The following SSU72 variants were observed in gnomAD, a reference collection of about 807,000 sequenced individuals.
The protein encoded by SSU72 is SSU72 homolog, RNA polymerase II CTD phosphatase.
SSU72 carries 12 observed loss-of-function variants against 22.7 expected under a neutral mutation model. The ratio of observed to expected loss-of-function variants is 0.53; its 90% CI spans 0.34 to 0.86. The LOEUF (loss-of-function observed/expected upper bound fraction) is 0.86. Among genes scored for constraint, SSU72 ranks in the 40% least tolerant of loss-of-function variants. The pLI is 0.02. For synonymous variants in SSU72, 116 were observed against 98.3 expected, an observed-to-expected ratio of 1.18 and a Z score of -1.06; for missense variants, 151 against 249.8, an observed-to-expected ratio of 0.60 and a Z score of 2.67.
At chr1:1,558,829 C>T (rs1029783142) in intron 2 of SSU72, among the ~76,000 whole-genome samples, 1 of 152,198 alleles carries the variant, frequency 6.6e-6, no homozygotes, top group African/African-American at 2.4e-5. Flanking sequence ...CCTGGACCCC[C>T]TCACTGGGCT....
Position 1,542,566 on chromosome 1 carries a change from T to C in SSU72, c.484-399A>G, listed in dbSNP as rs1020804275. Among the ~76,000 whole-genome samples the C allele has an allele frequency of 6.6e-6, 1 of 152,024 alleles. No individual in the cohort carries two copies. Among genetic ancestry groups the C allele is most frequent in the African/African-American group, 2.4e-5 (1 of 41,388 alleles). ...GCCTGGTCATCGGAGCATCCTGGCC[T>C]CCATCCACCAGAGCCCCTGGCAGAG... On this transcript the variant is annotated intron_variant, in intron 4 of 4. Coordinates refer to ENST00000291386, the MANE Select transcript of SSU72 (RefSeq NM_014188.3). This position sits in a 1 kb window ranked among gnomAD's most constrained non-coding sequence, Gnocchi z 4.4.
chr1:1,548,902 C>T (rs372838914), intron 2 of SSU72, among the ~76,000 whole-genome samples: 4 of 152,222 alleles, frequency 2.6e-5, no homozygotes, highest in East Asian at 1.9e-4. Context: ...GTGTCACTCC[C>T]GTCCCACAGT....
chr1:1,556,753 G>A (rs190213940), intron 2 of SSU72, among the ~76,000 whole-genome samples: 52 of 152,290 alleles, frequency 3.4e-4, no homozygotes, highest in African/African-American at 1.2e-3. Flanking sequence ...TGCAGGCACC[G>A]TGAAACTACT....
At chr1:1,545,100 A>G in intron 2 of SSU72, 98 bp from the exon 3 acceptor site, 1 of 1,439,656 alleles carries the variant, frequency 6.9e-7, no homozygotes, top group Non-Finnish European at 9.5e-7. Context: ...CCTGCCCCAC[A>G]GCAGAGGCAG....
chr1:1,557,978 G>A (rs1288598566), intron 2 of SSU72, among the ~76,000 whole-genome samples: 3 of 151,726 alleles, frequency 2.0e-5, no homozygotes, highest in Non-Finnish European at 2.9e-5. Context: ...GGGAGGCCAA[G>A]GCGGGCTCAT....
At chr1:1,574,080 G>C (rs1173808625) in intron 1 of SSU72, among the ~76,000 whole-genome samples, 2 of 151,676 alleles carry the variant, frequency 1.3e-5, no homozygotes, top group African/African-American at 4.9e-5. Context: ...TAAAAAAAGA[G>C]ACCGCTTTGT....
intron 2 of SSU72, among the ~76,000 whole-genome samples, chr1:1,546,860 CAAAAAAAAAAAAA>C (rs1169308811): frequency 4.0e-5 from 3 of 75,152 alleles, no homozygotes; most frequent in Non-Finnish European, 8.1e-5. Flanking sequence ...ACAACAACAA[CAAAAAAAAAAAAA>C]AAAAAAAAAA....
chr1:1,564,643 G>A, intron 2 of SSU72, 130 bp downstream of exon 2: 1 of 1,613,978 alleles, frequency 6.2e-7, no homozygotes, highest in Non-Finnish European at 8.5e-7. Flanking sequence ...TAGAAACCAA[G>A]CTCTCGCAAA....
intron 1 of SSU72, among the ~76,000 whole-genome samples, chr1:1,572,891 T>A: frequency 1.7e-5 from 1 of 60,322 alleles, no homozygotes; most frequent in African/African-American, 6.0e-5. Flanking sequence ...GGGGGGGGGG[T>A]GAGCCTTGCA....
chr1:1,544,032 G>A (rs777211061), intron 3 of SSU72, 45 bp from the exon 4 acceptor site: 3 of 1,482,776 alleles, frequency 2.0e-6, no homozygotes, highest in African/African-American at 2.8e-5. Context: ...TCCAAAACCA[G>A]GGAACAGGCA....
chr1:1,563,371 A>G (rs775254652), intron 2 of SSU72: 1 of 151,762 alleles, frequency 6.6e-6, no homozygotes, highest in Non-Finnish European at 1.5e-5. Flanking sequence ...CGTCTCTACT[A>G]AAAATACAAA....
chr1:1,545,325 C>A, intron 2 of SSU72: 1 of 309,818 alleles, frequency 3.2e-6, no homozygotes, highest in African/African-American at 2.1e-5. Flanking sequence ...CACTGCTGGC[C>A]CGGCCCAAGC....
intron 2 of SSU72, among the ~76,000 whole-genome samples, chr1:1,548,014 G>A (rs1642412197): frequency 6.6e-6 from 1 of 152,212 alleles, no homozygotes; most frequent in African/African-American, 2.4e-5. Flanking sequence ...CCATGCTAGG[G>A]CCCCAACTGG....
intron 2 of SSU72, among the ~76,000 whole-genome samples, chr1:1,559,792 C>T (rs1642564914): frequency 6.6e-6 from 1 of 152,010 alleles, no homozygotes. Context: ...AATGGTGCAA[C>T]TTCGGCTCAC....
chr1:1,567,682 C>A (rs373280934), intron 1 of SSU72, among the ~76,000 whole-genome samples: 1 of 152,022 alleles, frequency 6.6e-6, no homozygotes, highest in East Asian at 1.9e-4. Context: ...AAACAAGGGC[C>A]GGACGCGGTG....
At chr1:1,558,032 T>A (rs1415035164) in intron 2 of SSU72, among the ~76,000 whole-genome samples, 1 of 151,632 alleles carries the variant, frequency 6.6e-6, no homozygotes, top group Non-Finnish European at 1.5e-5. Context: ...TGAAACCCCA[T>A]CTCTACTAAA....
chr1:1,556,473 G>A (rs1642522756), intron 2 of SSU72, among the ~76,000 whole-genome samples: 1 of 152,104 alleles, frequency 6.6e-6, no homozygotes, highest in African/African-American at 2.4e-5. Flanking sequence ...CCCAGGAAGT[G>A]GAGCTTGCAG....
intron 3 of SSU72, 73 bp downstream of exon 3, chr1:1,544,790 T>C (rs1407241259): frequency 6.2e-7 from 1 of 1,605,852 alleles, no homozygotes; most frequent in East Asian, 2.2e-5. Context: ...CTGGTCATGG[T>C]GGGGCCCTGC....
chr1:1,542,095 T>C lies in SSU72; in HGVS notation c.556A>G (p.Thr186Ala). 6.3e-7 allele frequency: 1 copy of C among 1,588,808 alleles called. No homozygotes were observed. Reference sequence around the variant, plus strand: ...TAGAAGCAGACGGTGTGCAGAAAGGTGCGGCCACTCTTCTCCTCGAACTCC... The same window carrying C: ...TAGAAGCAGACGGTGTGCAGAAAGGCGCGGCCACTCTTCTCCTCGAACTCC... ...LQEFEEKSGR[T>A]FLHTVCFY Residue 186 changes from threonine (T) to alanine (A), a missense_variant, in exon 5 of 5, where the codon ACC becomes GCC. Transcript: ENST00000291386. The surrounding 1 kb of genome is among the most constrained non-coding windows in gnomAD (Gnocchi z 4.4).
Sources: allele counts gnomAD v4.1 joint callset (sites outside exome capture counted in the v4.1 genomes callset), GRCh38; gene constraint gnomAD v4.1.1; non-coding constraint Gnocchi (gnomAD v3.1); transcripts MANE v1.5; gene names NCBI Gene and HGNC (gene_info 2026-07-23, HGNC 2026-07-21).